The following HEMK2 variants were observed in gnomAD, a reference collection of about 807,000 sequenced individuals.
The protein encoded by HEMK2 is HemK methyltransferase 2, ETF1 glutamine and histone H4 lysine.
chr21:28,638,721 G>A, the HEMK2 span, among the ~76,000 whole-genome samples: 3,070 of 152,110 alleles, frequency 0.02, 105 homozygotes, highest in African/African-American at 0.068. Context: ...TTGTCTGGCA[G>A]CTAGATGATC....
At chr21:28,684,113 C>T in the HEMK2 span, among the ~76,000 whole-genome samples, 1 of 152,194 alleles carries the variant, frequency 6.6e-6, no homozygotes, top group South Asian at 2.1e-4. Flanking sequence ...ATTCCACATG[C>T]ACCTATATGC....
At chr21:28,684,101 C>T in the HEMK2 span, among the ~76,000 whole-genome samples, 1 of 152,198 alleles carries the variant, frequency 6.6e-6, no homozygotes, top group African/African-American at 2.4e-5. Flanking sequence ...ACTCAGAAAT[C>T]CATTCCACAT....
chr21:28,662,662 T>A, the HEMK2 span, among the ~76,000 whole-genome samples: 1 of 152,240 alleles, frequency 6.6e-6, no homozygotes, highest in African/African-American at 2.4e-5. Flanking sequence ...AGTGACTTCT[T>A]ATGAGATCTG....
chr21:28,844,572 C>G, the HEMK2 span, among the ~76,000 whole-genome samples: 1 of 151,962 alleles, frequency 6.6e-6, no homozygotes, highest in Non-Finnish European at 1.5e-5. Context: ...GAATAGAGTC[C>G]AAGAACTGGA....
chr21:28,876,240 CCTGA>C, the HEMK2 span: 1 of 501,124 alleles, frequency 2.0e-6, no homozygotes, highest in Non-Finnish European at 3.6e-6. Flanking sequence ...ATTCTATAGG[CCTGA>C]CTGAAAGGGA....
chr21:28,736,080 G>T, the HEMK2 span, among the ~76,000 whole-genome samples: 2 of 152,198 alleles, frequency 1.3e-5, no homozygotes, highest in East Asian at 3.9e-4. Context: ...AAGGAGGGTA[G>T]ACACAAGGAA....
chr21:28,824,652 A>G, the HEMK2 span, among the ~76,000 whole-genome samples: 16 of 152,160 alleles, frequency 1.1e-4, no homozygotes, highest in Non-Finnish European at 1.9e-4. Flanking sequence ...GAAATAAAAA[A>G]AGAGAGAGAG....
At chr21:28,612,871 TAATC>T in the HEMK2 span, among the ~76,000 whole-genome samples, 1 of 152,176 alleles carries the variant, frequency 6.6e-6, no homozygotes. Context: ...GTAATATACT[TAATC>T]AAGGAAGTGA....
At chr21:28,740,883 A>AAT in the HEMK2 span, among the ~76,000 whole-genome samples, 1 of 152,110 alleles carries the variant, frequency 6.6e-6, no homozygotes, top group South Asian at 2.1e-4. Flanking sequence ...CTGACTATGG[A>AAT]TAAGTATGTT....
chr21:28,768,276 G>A, the HEMK2 span, among the ~76,000 whole-genome samples: 4 of 152,060 alleles, frequency 2.6e-5, no homozygotes, highest in African/African-American at 9.7e-5. Context: ...AACTCTTGAA[G>A]CTTGTCCAAA....
the HEMK2 span, among the ~76,000 whole-genome samples, chr21:28,816,499 G>A: frequency 6.6e-6 from 1 of 152,114 alleles, no homozygotes; most frequent in African/African-American, 2.4e-5. Flanking sequence ...GCAAGACACT[G>A]TCTCTACAAA....
chr21:28,588,597 T>G, the HEMK2 span, among the ~76,000 whole-genome samples: 1 of 152,098 alleles, frequency 6.6e-6, no homozygotes, highest in African/African-American at 2.4e-5. Flanking sequence ...TGATGAAAGG[T>G]ACAAAAGTTG....
chr21:28,788,279 T>C, the HEMK2 span, among the ~76,000 whole-genome samples: 519 of 147,144 alleles, frequency 3.5e-3, 1 homozygote, highest in African/African-American at 7.4e-3. Context: ...CCATCATATA[T>C]ACACACACAC....
chr21:28,757,358 T>G, the HEMK2 span, among the ~76,000 whole-genome samples: 1 of 152,040 alleles, frequency 6.6e-6, no homozygotes, highest in Non-Finnish European at 1.5e-5. Context: ...GGGAAACAAA[T>G]TTTAGTTTGT....
chr21:28,839,055 G>C, the HEMK2 span, among the ~76,000 whole-genome samples: 1 of 135,954 alleles, frequency 7.4e-6, no homozygotes, highest in Admixed American at 7.6e-5. Context: ...AGGGATTCAG[G>C]GATGGTTTAA....
chr21:28,662,643 G>A, the HEMK2 span, among the ~76,000 whole-genome samples: 8 of 152,226 alleles, frequency 5.3e-5, no homozygotes, highest in East Asian at 3.9e-4. Context: ...TGCTGTTCTC[G>A]TAATAGTGAG....
the HEMK2 span, among the ~76,000 whole-genome samples, chr21:28,797,386 A>G: frequency 6.6e-6 from 1 of 152,058 alleles, no homozygotes; most frequent in South Asian, 2.1e-4. Flanking sequence ...GCTTGAGCCC[A>G]GAAGATGGAG....
the HEMK2 span, among the ~76,000 whole-genome samples, chr21:28,694,694 C>T: frequency 2.0e-5 from 3 of 151,946 alleles, no homozygotes; most frequent in African/African-American, 7.3e-5. Context: ...GGAGTAATTA[C>T]TTTTTCAAGA....
At chr21:28,637,285 T>C in the HEMK2 span, among the ~76,000 whole-genome samples, 4 of 152,172 alleles carry the variant, frequency 2.6e-5, no homozygotes, top group Non-Finnish European at 5.9e-5. Context: ...TTTTCTTGTT[T>C]TCATTGGATT....
Sources: allele counts gnomAD v4.1 joint callset (sites outside exome capture counted in the v4.1 genomes callset), GRCh38; gene constraint gnomAD v4.1.1; transcripts MANE v1.5; gene names NCBI Gene and HGNC (gene_info 2026-07-23, HGNC 2026-07-21).